PTBP3: variants seen among roughly 807,000 people sequenced by gnomAD.
The protein encoded by PTBP3 is polypyrimidine tract-binding protein 3.
In PTBP3, 20 loss-of-function variants were observed where a neutral mutation model predicts 58.7. The observed-to-expected ratio is 0.34, with a 90% CI of 0.24 to 0.50. The LOEUF is 0.50. Among genes scored for constraint, PTBP3 ranks in the 20% least tolerant of loss-of-function variants. PTBP3 has a pLI of 0.98. For missense variants in PTBP3, 509 were observed against 637.2 expected, an observed-to-expected ratio of 0.80 and a Z score of 2.17; for synonymous variants, 185 against 219.8, an observed-to-expected ratio of 0.84 and a Z score of 1.40.
At chr9:112,276,162 G>T in intron 2 of PTBP3, 149 bp from the exon 3 acceptor site, 1 of 661,216 alleles carries the variant, frequency 1.5e-6, no homozygotes, top group Non-Finnish European at 2.5e-6. Flanking sequence ...TGGAAAAGGA[G>T]AGTAGAAAAC....
At chr9:112,226,263 G>A (rs1834986943) in intron 12 of PTBP3, among the ~76,000 whole-genome samples, 1 of 151,782 alleles carries the variant, frequency 6.6e-6, no homozygotes, top group African/African-American at 2.4e-5. Context: ...TTGGATTCAA[G>A]GTTTCTCCAT....
intron 1 of PTBP3, among the ~76,000 whole-genome samples, chr9:112,316,086 C>A (rs953492449): frequency 6.6e-6 from 1 of 152,184 alleles, no homozygotes; most frequent in African/African-American, 2.4e-5. Flanking sequence ...AGACAGTACT[C>A]TGGAACCATC....
At chr9:112,233,914 G>C (rs1835346252) in intron 8 of PTBP3, among the ~76,000 whole-genome samples, 1 of 144,722 alleles carries the variant, frequency 6.9e-6, no homozygotes, top group Non-Finnish European at 1.5e-5. Flanking sequence ...CTGGGCAACA[G>C]AGTGAGCTAT....
At chr9:112,296,953 C>T (rs1828715860) in intron 2 of PTBP3, among the ~76,000 whole-genome samples, 1 of 152,142 alleles carries the variant, frequency 6.6e-6, no homozygotes. Context: ...ACCACTGCCA[C>T]AGTGCCAGTT....
chr9:112,280,666 C>A (rs1388037950), intron 2 of PTBP3, among the ~76,000 whole-genome samples: 2 of 152,098 alleles, frequency 1.3e-5, no homozygotes, highest in Non-Finnish European at 1.5e-5. Flanking sequence ...TTCTGTCACA[C>A]TGATTTTCAA....
chr9:112,318,040 C>T (rs1479754918), intron 1 of PTBP3, among the ~76,000 whole-genome samples: 1 of 152,096 alleles, frequency 6.6e-6, no homozygotes, highest in African/African-American at 2.4e-5. Flanking sequence ...AGATACAAAT[C>T]CAACACCCAT....
intron 5 of PTBP3, 134 bp downstream of exon 5, chr9:112,262,301 A>T: frequency 1.4e-6 from 1 of 710,938 alleles, no homozygotes; most frequent in Non-Finnish European, 2.0e-6. Flanking sequence ...CTATGAAATT[A>T]GATGAAGTTT....
At chr9:112,314,832 A>ATTT (rs35142599) in intron 1 of PTBP3, among the ~76,000 whole-genome samples, 5 of 141,408 alleles carry the variant, frequency 3.5e-5, no homozygotes, top group South Asian at 2.2e-4. Flanking sequence ...TCCCACTGAC[A>ATTT]TTTTTTTTTT....
At chr9:112,305,878 T>C (rs889622717) in intron 1 of PTBP3, among the ~76,000 whole-genome samples, 3 of 152,072 alleles carry the variant, frequency 2.0e-5, no homozygotes, top group Admixed American at 6.5e-5. Context: ...AGGCGGAGCT[T>C]GCAGTGAGCC....
upstream of PTBP3, among the ~76,000 whole-genome samples, chr9:112,336,836 C>T (rs897773435): frequency 6.6e-6 from 1 of 151,952 alleles, no homozygotes; most frequent in Non-Finnish European, 1.5e-5. Context: ...ACAATAATTC[C>T]GAGAAGTCTG....
At chr9:112,247,268 TAATAAATAAATAAATAAATAAATAAATA>T in intron 7 of PTBP3, among the ~76,000 whole-genome samples, 1 of 144,054 alleles carries the variant, frequency 6.9e-6, no homozygotes, top group Non-Finnish European at 1.5e-5. Context: ...CCTGTTTCAA[TAATAAATAAATAAATAAATAAATAAATA>T]AATAAATAAA....
intron 7 of PTBP3, among the ~76,000 whole-genome samples, chr9:112,236,674 C>A (rs1166038770): frequency 1.3e-5 from 2 of 152,174 alleles, no homozygotes; most frequent in African/African-American, 4.8e-5. Flanking sequence ...TGGAAGAGCA[C>A]ATATTTCCAT....
At position 112,219,972 on chromosome 9, in the gene PTBP3, G is replaced by T; in HGVS notation, c.*3879C>A. The T allele has an allele frequency of 1.6e-6, 1 of 640,092 alleles. No individual in the cohort carries two copies. The highest frequency in any genetic ancestry group is 2.0e-6 in the Non-Finnish European group (1 of 496,006). 39.7% of individuals were successfully genotyped at this position (640,092 alleles called of 1,614,324 possible). ...GCTGAGTTATATTTTCAAATTTTGT[G>T]CAATCTAAATTGTATTTCTTTCAGC... On this transcript the variant is annotated 3_prime_UTR_variant, in exon 14 of 14. Coordinates refer to ENST00000374257, the MANE Select transcript of PTBP3 (RefSeq NM_001163788.4).
At chr9:112,337,116 G>A (rs909321269), upstream of PTBP3, among the ~76,000 whole-genome samples, 5 of 152,178 alleles carry the variant, frequency 3.3e-5, no homozygotes, top group Non-Finnish European at 7.4e-5. Flanking sequence ...TGCAACCTCT[G>A]CCTCCCAGGT....
At chr9:112,269,314 AAG>A (rs765444858) in intron 3 of PTBP3, among the ~76,000 whole-genome samples, 2 of 152,124 alleles carry the variant, frequency 1.3e-5, no homozygotes, top group Non-Finnish European at 2.9e-5. Context: ...GGGGAGGAGA[AAG>A]AAAAAAACAG....
At chr9:112,268,294 C>T in intron 3 of PTBP3, 99 bp from the exon 4 acceptor site, 1 of 1,167,574 alleles carries the variant, frequency 8.6e-7, no homozygotes, top group African/African-American at 1.6e-5. Context: ...CATGCACTCT[C>T]AAGTAAAATG....
intron 2 of PTBP3, among the ~76,000 whole-genome samples, chr9:112,294,496 A>C (rs7857247): frequency 0.85 from 129,187 of 152,174 alleles, 55,262 homozygotes; most frequent in African/African-American, 0.95. Context: ...CCAGGCTAGA[A>C]AACAGACCAA....
intron 2 of PTBP3, among the ~76,000 whole-genome samples, chr9:112,290,683 AAAAAATAT>A (rs1376015233): frequency 9.8e-5 from 4 of 41,014 alleles, no homozygotes; most frequent in African/African-American, 4.9e-4. Flanking sequence ...AAAAAAAAAA[AAAAAATAT>A]ATATATATAT....
At chr9:112,350,531 A>G in the PTBP3 span, among the ~76,000 whole-genome samples, 1 of 152,172 alleles carries the variant, frequency 6.6e-6, no homozygotes, top group Non-Finnish European at 1.5e-5. Context: ...TATGTCGTTG[A>G]GAAGAGTGGA....
Sources: allele counts gnomAD v4.1 joint callset (sites outside exome capture counted in the v4.1 genomes callset), GRCh38; gene constraint gnomAD v4.1.1; transcripts MANE v1.5; gene names NCBI Gene and HGNC (gene_info 2026-07-23, HGNC 2026-07-21).